The following ERBB4 variants were observed in gnomAD, a reference collection of about 807,000 sequenced individuals.
ERBB4 encodes the protein receptor tyrosine-protein kinase erbB-4.
Under a neutral mutation model 158.0 loss-of-function variants are expected in ERBB4, and 42 were observed. The ratio of observed to expected loss-of-function variants is 0.27; its 90% CI spans 0.21 to 0.34. The LOEUF (loss-of-function observed/expected upper bound fraction) is 0.34, where lower values mean the gene tolerates loss of function less well. Ranked by LOEUF, ERBB4 falls within the 10% of genes least tolerant of loss-of-function variation. The pLI, the probability that ERBB4 is intolerant of heterozygous loss-of-function variation, is 1.00. For synonymous variants in ERBB4, 583 were observed against 558.7 expected, an observed-to-expected ratio of 1.04 and a Z score of -0.61; for missense variants, 1,333 against 1,624.1, an observed-to-expected ratio of 0.82 and a Z score of 3.08.
chr2:212,158,513 A>G (rs1446829836), intron 1 of ERBB4, among the ~76,000 whole-genome samples: 2 of 151,916 alleles, frequency 1.3e-5, no homozygotes, highest in African/African-American at 4.8e-5. Flanking sequence ...TAATTTCAAT[A>G]TCTTATATCT....
intron 16 of ERBB4, among the ~76,000 whole-genome samples, chr2:211,635,741 T>C (rs1553601106): frequency 6.6e-6 from 1 of 152,166 alleles, no homozygotes; most frequent in South Asian, 2.1e-4. Flanking sequence ...TTTTCTTAAT[T>C]GGCGAAACTG....
At chr2:212,004,740 C>T (rs933076600) in intron 2 of ERBB4, among the ~76,000 whole-genome samples, 2 of 152,038 alleles carry the variant, frequency 1.3e-5, no homozygotes, top group Admixed American at 6.6e-5. Context: ...AAGATTTCTT[C>T]AATGCTGCCA....
At chr2:212,286,366 A>G (rs1170518351) in intron 1 of ERBB4, among the ~76,000 whole-genome samples, 4 of 152,134 alleles carry the variant, frequency 2.6e-5, no homozygotes, top group Non-Finnish European at 4.4e-5. Flanking sequence ...TGAACACATC[A>G]AAGTTTCTAG....
chr2:212,395,614 C>CTTTTTTTTTTTTTTT (rs760604732), intron 1 of ERBB4, among the ~76,000 whole-genome samples: 2 of 84,734 alleles, frequency 2.4e-5, no homozygotes, highest in Admixed American at 1.4e-4. Context: ...CAGTTACACT[C>CTTTTTTTTTTTTTTT]TTTTTTTTTT....
chr2:211,684,080 T>C (rs2072465089), intron 12 of ERBB4, among the ~76,000 whole-genome samples: 1 of 152,202 alleles, frequency 6.6e-6, no homozygotes, highest in South Asian at 2.1e-4. Flanking sequence ...TTGTTCTTTA[T>C]ATATTCCATC....
chr2:211,494,377 T>C (rs1342055176), intron 20 of ERBB4, among the ~76,000 whole-genome samples: 1 of 151,372 alleles, frequency 6.6e-6, no homozygotes, highest in Non-Finnish European at 1.5e-5. Context: ...CTGAAACAAG[T>C]AAGAGTGAAG....
At chr2:211,472,505 C>G (rs1220901778) in intron 20 of ERBB4, among the ~76,000 whole-genome samples, 2 of 151,502 alleles carry the variant, frequency 1.3e-5, no homozygotes, top group East Asian at 3.9e-4. Flanking sequence ...CTCAGATGTA[C>G]TAATGATAAG....
chr2:211,899,509 C>T (rs983091000), intron 3 of ERBB4, among the ~76,000 whole-genome samples: 5 of 151,936 alleles, frequency 3.3e-5, no homozygotes, highest in South Asian at 2.1e-4. Flanking sequence ...ATTACGAAAC[C>T]AATCACAAAG....
At chr2:211,897,236 A>T (rs1414167604) in intron 3 of ERBB4, among the ~76,000 whole-genome samples, 1 of 151,976 alleles carries the variant, frequency 6.6e-6, no homozygotes, top group Non-Finnish European at 1.5e-5. Flanking sequence ...GTTTTCATCA[A>T]AATGGACATG....
intron 3 of ERBB4, among the ~76,000 whole-genome samples, chr2:211,891,744 A>G (rs1354796712): frequency 1.4e-5 from 2 of 139,642 alleles, no homozygotes; most frequent in Admixed American, 7.1e-5. Flanking sequence ...GATCCCACAG[A>G]AATACAAACT....
intron 1 of ERBB4, among the ~76,000 whole-genome samples, chr2:212,443,543 C>T (rs1211473175): frequency 6.6e-6 from 1 of 152,150 alleles, no homozygotes; most frequent in Non-Finnish European, 1.5e-5. Context: ...ATTTTGGAGG[C>T]AACACATTCC....
intron 2 of ERBB4, among the ~76,000 whole-genome samples, chr2:212,089,307 A>C (rs549497665): frequency 6.6e-6 from 1 of 152,290 alleles, no homozygotes; most frequent in Admixed American, 6.5e-5. Context: ...AGTTCCAATC[A>C]ACATTTAAAC....
In ERBB4 at chr2:212,240,649, A is replaced by C. The variant is rs1339760365; in HGVS notation, c.83-115746T>G. On this transcript the variant is annotated intron_variant, in intron 1 of 27. Transcript: ENST00000342788. ...CGACACTCTGGCTCAAAAAAAAAAA[A>C]AAAAAAAAAAAAAAAAAACAGAAAA... 4.2e-5 allele frequency among the ~76,000 whole-genome samples: 6 copies of C among 143,532 alleles called. No homozygotes were observed. The East Asian group carries it at 1.2e-3, about 28-fold the overall frequency. The allele number at this position is 143,532 out of a possible 152,430, so 94.2% of individuals were successfully genotyped here. A position where few individuals can be genotyped will look rare whatever the true frequency, so the allele number is the denominator to read the frequency against.
At chr2:212,144,788 CAG>C (rs1201893883) in intron 1 of ERBB4, among the ~76,000 whole-genome samples, 1 of 152,136 alleles carries the variant, frequency 6.6e-6, no homozygotes, top group Non-Finnish European at 1.5e-5. Flanking sequence ...AAAAGTATTA[CAG>C]AGATTTGTAC....
At chr2:211,463,511 A>G (rs1029680221) in intron 20 of ERBB4, among the ~76,000 whole-genome samples, 1 of 152,166 alleles carries the variant, frequency 6.6e-6, no homozygotes, top group Non-Finnish European at 1.5e-5. Context: ...AGCATTACCC[A>G]GATGGTAAAA....
At chr2:211,630,694 C>T (rs1233955311) in intron 16 of ERBB4, 100 bp from the exon 17 acceptor site, 4 of 1,054,610 alleles carry the variant, frequency 3.8e-6, no homozygotes. Context: ...CCACATTTCA[C>T]AAATCTAGTC....
chr2:211,846,110 A>T (rs2077582953), intron 3 of ERBB4, among the ~76,000 whole-genome samples: 1 of 151,918 alleles, frequency 6.6e-6, no homozygotes, highest in African/African-American at 2.4e-5. Flanking sequence ...GGAAAAAAAA[A>T]TCATCCCTAG....
intron 14 of ERBB4, among the ~76,000 whole-genome samples, chr2:211,665,874 T>C (rs2071612322): frequency 6.6e-6 from 1 of 152,198 alleles, no homozygotes; most frequent in South Asian, 2.1e-4. Flanking sequence ...TTTCTGGCAA[T>C]ATTATAGTGC....
chr2:211,760,248 C>T (rs2075376202), intron 4 of ERBB4, among the ~76,000 whole-genome samples: 1 of 152,192 alleles, frequency 6.6e-6, no homozygotes, highest in Non-Finnish European at 1.5e-5. Context: ...TGTATCAGAA[C>T]ATTTGATAAA....
Sources: gnomAD v4.1 joint callset for allele counts (sites outside exome capture counted in the v4.1 genomes callset) on GRCh38, gnomAD v4.1.1 for gene constraint, MANE v1.5 for transcripts, NCBI Gene and HGNC (gene_info 2026-07-23, HGNC 2026-07-21) for gene names.